RABGAP1L: variants seen among roughly 807,000 people sequenced by gnomAD.
RABGAP1L encodes RAB GTPase activating protein 1 like.
RABGAP1L carries 63 observed loss-of-function variants against 137.7 expected under a neutral mutation model. The ratio of observed to expected loss-of-function variants is 0.46; its 90% CI spans 0.37 to 0.56. RABGAP1L has a LOEUF of 0.56. Among genes scored for constraint, RABGAP1L ranks in the 20% least tolerant of loss-of-function variants. RABGAP1L has a pLI of 0.00. For missense variants in RABGAP1L, 1,095 were observed against 1,244.0 expected, an observed-to-expected ratio of 0.88 and a Z score of 1.80; for synonymous variants, 431 against 433.7, an observed-to-expected ratio of 0.99 and a Z score of 0.08.
intron 4 of RABGAP1L, among the ~76,000 whole-genome samples, chr1:174,240,758 A>C (rs1671741084): frequency 6.6e-6 from 1 of 152,226 alleles, no homozygotes; most frequent in Non-Finnish European, 1.5e-5. Flanking sequence ...GGAATAGTCT[A>C]TACTATTCTA....
At chr1:174,418,928 C>T (rs1360847538) in intron 13 of RABGAP1L, among the ~76,000 whole-genome samples, 1 of 152,036 alleles carries the variant, frequency 6.6e-6, no homozygotes, top group Non-Finnish European at 1.5e-5. Context: ...ATCCCAGCTG[C>T]TCAGGAGGCT....
intron 10 of RABGAP1L, among the ~76,000 whole-genome samples, chr1:174,302,595 G>A (rs934348499): frequency 6.6e-6 from 1 of 152,230 alleles, no homozygotes; most frequent in Non-Finnish European, 1.5e-5. Context: ...ATAGTTTGGA[G>A]AGAAGAGGCT....
chr1:174,861,376 T>G lies in RABGAP1L; in HGVS notation c.2340+49416T>G, dbSNP rs1650238989. 2.6e-5 allele frequency among the ~76,000 whole-genome samples: 4 copies of G among 152,198 alleles called. No individual in the cohort carries two copies. The South Asian group carries it at 8.3e-4, about 32-fold the overall frequency. ...CATCCATCAACAGATGCTTAGGTTATTTCTATATCTTGGTCATTATGAATA... is the reference window on the plus strand; with the variant it reads ...CATCCATCAACAGATGCTTAGGTTAGTTCTATATCTTGGTCATTATGAATA... On this transcript the variant is annotated intron_variant, in intron 19 of 25. Transcript: ENST00000681986.
chr1:174,964,885 A>G (rs987616164), intron 20 of RABGAP1L: 2 of 1,462,622 alleles, frequency 1.4e-6, no homozygotes, highest in Non-Finnish European at 1.8e-6. Context: ...GCCATTTCAT[A>G]AATATTTTAG....
At chr1:174,573,285 A>G (rs1333602828) in intron 13 of RABGAP1L, among the ~76,000 whole-genome samples, 1 of 148,234 alleles carries the variant, frequency 6.7e-6, no homozygotes, top group Non-Finnish European at 1.5e-5. Flanking sequence ...ATATATGTTT[A>G]TATGTATGTG....
intron 13 of RABGAP1L, among the ~76,000 whole-genome samples, chr1:174,608,457 C>T (rs1355031166): frequency 1.3e-5 from 2 of 152,040 alleles, no homozygotes; most frequent in Non-Finnish European, 2.9e-5. Flanking sequence ...CTTGGTATTA[C>T]AGTAAGTAAC....
chr1:174,957,027 T>C (rs1480490584), intron 19 of RABGAP1L, among the ~76,000 whole-genome samples: 1 of 152,230 alleles, frequency 6.6e-6, no homozygotes, highest in Non-Finnish European at 1.5e-5. Flanking sequence ...TAGAAGGATA[T>C]GAGTGAATTA....
At chr1:174,654,077 G>T (rs1378012717) in intron 14 of RABGAP1L, among the ~76,000 whole-genome samples, 1 of 152,182 alleles carries the variant, frequency 6.6e-6, no homozygotes, top group African/African-American at 2.4e-5. Flanking sequence ...GGAAAGTTAG[G>T]TGCAAATATT....
chr1:174,187,590 C>T (rs180986352), intron 1 of RABGAP1L, among the ~76,000 whole-genome samples: 175 of 152,084 alleles, frequency 1.2e-3, no homozygotes, highest in African/African-American at 4.1e-3. Flanking sequence ...AAATATGGGA[C>T]ATTTAAAAAA....
chr1:174,769,038 GT>G (rs763359700), intron 18 of RABGAP1L, among the ~76,000 whole-genome samples: 2 of 151,840 alleles, frequency 1.3e-5, no homozygotes, highest in Non-Finnish European at 2.9e-5. Context: ...CATTGTCACT[GT>G]AACCACCTGA....
rs1349225848 is a variant in RABGAP1L at position 174,550,999 on chromosome 1, C to CACATAT, written c.1711-86375_1711-86374insCATATA. Among the ~76,000 whole-genome samples the CACATAT allele has an allele frequency of 4.4e-3, 383 of 86,336 alleles. 25 individuals are homozygous for CACATAT. The highest frequency in any genetic ancestry group is 0.029 in the African/African-American group (354 of 12,048). The allele number at this position is 86,336 out of a possible 152,430, so 56.6% of individuals were successfully genotyped here. ...GTATATATACATATATATATATACA[C>CACATAT]ATATATATATATATATATATATACA... On this transcript the variant is annotated intron_variant, in intron 13 of 25. Coordinates refer to ENST00000681986, the MANE Select transcript of RABGAP1L (RefSeq NM_001366446.1).
chr1:174,471,879 G>A (rs1657983467), intron 13 of RABGAP1L, among the ~76,000 whole-genome samples: 1 of 152,174 alleles, frequency 6.6e-6, no homozygotes, highest in Admixed American at 6.6e-5. Context: ...TCTGTGAGGA[G>A]GTGATAAAGG....
intron 5 of RABGAP1L, among the ~76,000 whole-genome samples, chr1:174,243,891 A>C (rs1452637390): frequency 6.6e-6 from 1 of 152,194 alleles, no homozygotes; most frequent in Non-Finnish European, 1.5e-5. Context: ...TTCAGTAACA[A>C]CTTTCCTGTT....
At chr1:174,550,905 C>CAT (rs762025918) in intron 13 of RABGAP1L, among the ~76,000 whole-genome samples, 1 of 81,486 alleles carries the variant, frequency 1.2e-5, no homozygotes, top group African/African-American at 7.4e-5. Flanking sequence ...TACACACACA[C>CAT]ATATACACAC....
intron 11 of RABGAP1L, among the ~76,000 whole-genome samples, chr1:174,323,491 A>G (rs1680190683): frequency 6.6e-6 from 1 of 152,096 alleles, no homozygotes; most frequent in African/African-American, 2.4e-5. Flanking sequence ...GACATTCTAG[A>G]TCTTATATAT....
At chr1:174,350,420 G>C (rs1362183466) in intron 11 of RABGAP1L, among the ~76,000 whole-genome samples, 7,135 of 56,070 alleles carry the variant, frequency 0.13, no homozygotes, top group African/African-American at 0.17. Context: ...ACGGGGTCTC[G>C]GCCGGGCAGA....
intron 13 of RABGAP1L, among the ~76,000 whole-genome samples, chr1:174,513,215 T>C (rs1188099559): frequency 1.3e-5 from 2 of 152,208 alleles, no homozygotes; most frequent in Non-Finnish European, 2.9e-5. Flanking sequence ...ATAGCATCAC[T>C]CAATATTAAT....
chr1:174,330,504 G>A (rs1680941569), intron 11 of RABGAP1L, among the ~76,000 whole-genome samples: 1 of 152,144 alleles, frequency 6.6e-6, no homozygotes, highest in Admixed American at 6.6e-5. Flanking sequence ...AGGATTGCTT[G>A]GGCCCAGGAG....
chr1:174,957,840 T>C, intron 20 of RABGAP1L: 2 of 1,488,052 alleles, frequency 1.3e-6, no homozygotes, highest in Non-Finnish European at 1.8e-6. Flanking sequence ...AGGTATGTTT[T>C]CATTTCAGGA....
Sources: gnomAD v4.1 joint callset for allele counts (sites outside exome capture counted in the v4.1 genomes callset) on GRCh38, gnomAD v4.1.1 for gene constraint, MANE v1.5 for transcripts, NCBI Gene and HGNC (gene_info 2026-07-23, HGNC 2026-07-21) for gene names.